AP3B1: variants seen among roughly 807,000 people sequenced by gnomAD.
The protein encoded by AP3B1 is adaptor related protein complex 3 subunit beta 1.
AP3B1 carries 61 observed loss-of-function variants against 132.5 expected under a neutral mutation model. The observed-to-expected ratio is 0.46, with a 90% confidence interval of 0.37 to 0.57. The LOEUF (loss-of-function observed/expected upper bound fraction) is 0.57. Among genes scored for constraint, AP3B1 ranks in the 20% least tolerant of loss-of-function variants. The pLI is 0.00. For synonymous variants in AP3B1, 388 were observed against 438.3 expected, an observed-to-expected ratio of 0.89 and a Z score of 1.43; for missense variants, 1,120 against 1,289.4, an observed-to-expected ratio of 0.87 and a Z score of 2.01.
intron 7 of AP3B1, among the ~76,000 whole-genome samples, chr5:78,189,869 C>CAAATAAAATAAAATAAAATAAAATA (rs55792888): frequency 6.8e-5 from 7 of 102,340 alleles, no homozygotes; most frequent in East Asian, 7.1e-4. Flanking sequence ...GACTCCATCT[C>CAAATAAAATAAAATAAAATAAAATA]AAATAAAATA....
At chr5:78,269,010 A>AT (rs1264603890) in intron 1 of AP3B1, among the ~76,000 whole-genome samples, 3 of 152,222 alleles carry the variant, frequency 2.0e-5, no homozygotes, top group Non-Finnish European at 2.9e-5. Flanking sequence ...AGTTAATACC[A>AT]TAACACCTAC....
chr5:78,003,141 C>A (rs1746254717), intron 26 of AP3B1, 86 bp from the exon 27 acceptor site: 2 of 1,460,660 alleles, frequency 1.4e-6, no homozygotes, highest in Non-Finnish European at 1.9e-6. Flanking sequence ...TAAAATAACT[C>A]TTTTTTGTCA....
chr5:78,244,984 ACT>A (rs1440386672), intron 2 of AP3B1, among the ~76,000 whole-genome samples: 1 of 151,418 alleles, frequency 6.6e-6, no homozygotes, highest in African/African-American at 2.4e-5. Context: ...ACAGAGCAAG[ACT>A]CTGTCTCAAA....
intron 14 of AP3B1, among the ~76,000 whole-genome samples, chr5:78,144,540 A>AG (rs1753301307): frequency 6.6e-6 from 1 of 152,218 alleles, no homozygotes; most frequent in Non-Finnish European, 1.5e-5. Context: ...TAGACATCTA[A>AG]GCAAACTGCA....
chr5:78,232,843 A>T (rs1250698229), intron 3 of AP3B1, among the ~76,000 whole-genome samples: 1 of 151,950 alleles, frequency 6.6e-6, no homozygotes, highest in Non-Finnish European at 1.5e-5. Context: ...AAAAGTTGGG[A>T]CCACAGGTGC....
At chr5:78,001,422 A>T (rs1373346750), downstream of AP3B1, 1 of 152,218 alleles carries the variant, frequency 6.6e-6, no homozygotes, top group African/African-American at 2.4e-5. Context: ...GCTTCCATAC[A>T]TTGGTACAGA....
chr5:78,109,968 AC>A (rs147437738), intron 20 of AP3B1, among the ~76,000 whole-genome samples: 2 of 150,452 alleles, frequency 1.3e-5, no homozygotes, highest in Admixed American at 1.3e-4. Flanking sequence ...CTTCAGCAAA[AC>A]CCCCCCCTTG....
chr5:78,194,177 G>A (rs1395546356), intron 7 of AP3B1, among the ~76,000 whole-genome samples: 2 of 151,992 alleles, frequency 1.3e-5, no homozygotes, highest in Non-Finnish European at 2.9e-5. Context: ...CTGTTATGAA[G>A]CCTTTAAATA....
intron 1 of AP3B1, among the ~76,000 whole-genome samples, chr5:78,273,226 G>A (rs1173674454): frequency 6.6e-6 from 1 of 152,030 alleles, no homozygotes; most frequent in Non-Finnish European, 1.5e-5. Context: ...GCAACATGGT[G>A]AGACTCCATC....
chr5:78,188,286 G>C (rs539914905), intron 7 of AP3B1, among the ~76,000 whole-genome samples: 1 of 152,298 alleles, frequency 6.6e-6, no homozygotes, highest in East Asian at 1.9e-4. Context: ...TATCATCAGA[G>C]CAAACAGACA....
intron 26 of AP3B1, 70 bp from the exon 27 acceptor site, chr5:78,003,125 T>C (rs757415963): frequency 1.3e-6 from 2 of 1,533,582 alleles, no homozygotes; most frequent in Admixed American, 1.7e-5. Flanking sequence ...TACATTCAAA[T>C]AGGATTAAAA....
intron 22 of AP3B1, among the ~76,000 whole-genome samples, chr5:78,046,777 C>T (rs1041028766): frequency 6.6e-6 from 1 of 151,888 alleles, no homozygotes; most frequent in Non-Finnish European, 1.5e-5. Context: ...TAGGTATACA[C>T]GTGCCAAGGT....
At chr5:78,147,602 G>C (rs1753462136) in intron 14 of AP3B1, among the ~76,000 whole-genome samples, 1 of 147,210 alleles carries the variant, frequency 6.8e-6, no homozygotes, top group African/African-American at 2.5e-5. Context: ...ATTTTCCTTT[G>C]TGAATACTGA....
chr5:78,024,989 G>T (rs1169717987), intron 24 of AP3B1, among the ~76,000 whole-genome samples: 1 of 151,406 alleles, frequency 6.6e-6, no homozygotes, highest in East Asian at 1.9e-4. Flanking sequence ...ATGAGCCACT[G>T]TGCCTGGCCT....
chr5:78,128,517 T>C (rs1463513995), intron 16 of AP3B1, among the ~76,000 whole-genome samples: 3 of 152,140 alleles, frequency 2.0e-5, no homozygotes, highest in African/African-American at 4.8e-5. Flanking sequence ...TCTACAAAAC[T>C]GAATTGCTTT....
intron 5 of AP3B1, 122 bp downstream of exon 5, chr5:78,227,250 T>C: frequency 2.1e-6 from 2 of 938,982 alleles, no homozygotes; most frequent in Non-Finnish European, 1.7e-6. Context: ...CATCATACAG[T>C]CACTGGATTT....
intron 22 of AP3B1, among the ~76,000 whole-genome samples, chr5:78,064,414 C>T (rs1749190630): frequency 6.6e-6 from 1 of 152,066 alleles, no homozygotes; most frequent in African/African-American, 2.4e-5. Flanking sequence ...TTGTACTTTC[C>T]TTGTTAATCC....
intron 1 of AP3B1, among the ~76,000 whole-genome samples, chr5:78,282,931 C>T (rs1044104277): frequency 6.6e-6 from 1 of 151,768 alleles, no homozygotes; most frequent in African/African-American, 2.4e-5. Context: ...AGAAGGATCA[C>T]TAGAGCCCAG....
intron 26 of AP3B1, among the ~76,000 whole-genome samples, chr5:78,011,618 A>G (rs1464490006): frequency 1.3e-5 from 2 of 152,180 alleles, no homozygotes; most frequent in African/African-American, 4.8e-5. Flanking sequence ...GCTTTTCTTA[A>G]TGAGGGCCAT....
Sources: gnomAD v4.1 joint callset for allele counts (sites outside exome capture counted in the v4.1 genomes callset) on GRCh38, gnomAD v4.1.1 for gene constraint, MANE v1.5 for transcripts, NCBI Gene and HGNC (gene_info 2026-07-23, HGNC 2026-07-21) for gene names.